LHCGR: variants seen among roughly 807,000 people sequenced by gnomAD.
LHCGR encodes the protein lutropin-choriogonadotropic hormone receptor.
A neutral mutation model predicts 60.7 loss-of-function variants in LHCGR; 55 were observed. That is an observed-to-expected ratio of 0.91 (90% confidence interval 0.73 to 1.13). The LOEUF (loss-of-function observed/expected upper bound fraction) is 1.13, where lower values mean the gene tolerates loss of function less well. Among genes scored for constraint, LHCGR ranks in the 50% most tolerant of loss-of-function variants. LHCGR has a pLI of 0.00. For missense variants in LHCGR, 862 were observed against 836.0 expected (o/e 1.03, Z -0.38); for synonymous variants, 337 against 316.5 (o/e 1.06, Z -0.69).
At chr2:48,728,135 T>G (rs1281350242) in intron 3 of LHCGR, among the ~76,000 whole-genome samples, 1 of 152,084 alleles carries the variant, frequency 6.6e-6, no homozygotes, top group African/African-American at 2.4e-5. Flanking sequence ...GTAAGTGTAT[T>G]TTATGTGTGA....
intron 1 of LHCGR, among the ~76,000 whole-genome samples, chr2:48,749,200 AG>A: frequency 6.6e-6 from 1 of 152,300 alleles, no homozygotes; most frequent in Non-Finnish European, 1.5e-5. Flanking sequence ...AGCAGCTGTG[AG>A]TGGTTTGCCA....
intron 1 of LHCGR, among the ~76,000 whole-genome samples, chr2:48,753,215 C>T (rs1328421042): frequency 2.0e-5 from 3 of 152,140 alleles, no homozygotes. Flanking sequence ...TAACATTTCC[C>T]AGGTGATGTT....
At chr2:48,720,298 T>C (rs1373918299) in intron 6 of LHCGR, 9 of 152,198 alleles carry the variant, frequency 5.9e-5, no homozygotes, top group Non-Finnish European at 1.2e-4. Flanking sequence ...ATCCCAACAT[T>C]GGTTTTCTTC....
chr2:48,687,415 GT>G lies in LHCGR; in HGVS notation c.*281del, dbSNP rs558291070. The G allele has an allele frequency of 1.4e-4, 52 of 358,980 alleles. No individual in the cohort carries two copies. In the East Asian group the frequency reaches 2.5e-3, roughly 18 times the overall value. The allele number at this position is 358,980 out of a possible 1,614,324, so 22.2% of individuals were successfully genotyped here. Reference sequence around the variant, plus strand: ...AAAAGATATGCAAAATACCTCCTCAGTTTTTTAAAAGATTCATCAAACAAAA... The same window carrying G: ...AAAAGATATGCAAAATACCTCCTCAGTTTTTAAAAGATTCATCAAACAAAA... On this transcript the variant is annotated 3_prime_UTR_variant, in exon 11 of 11. Transcript: ENST00000294954.
intron 1 of LHCGR, among the ~76,000 whole-genome samples, chr2:48,733,546 G>A (rs1225007645): frequency 6.6e-6 from 1 of 152,162 alleles, no homozygotes; most frequent in East Asian, 1.9e-4. Context: ...AGTGGGGAGA[G>A]TGAAACTAGA....
chr2:48,744,471 A>G (rs1293075576), intron 1 of LHCGR, among the ~76,000 whole-genome samples: 1 of 103,396 alleles, frequency 9.7e-6, no homozygotes, highest in Non-Finnish European at 1.9e-5. Flanking sequence ...TAACCAAAAC[A>G]GCATGGTACT....
At chr2:48,723,739 A>G in intron 4 of LHCGR, 43 bp from the exon 5 acceptor site, 1 of 1,371,768 alleles carries the variant, frequency 7.3e-7, no homozygotes, top group Non-Finnish European at 1.0e-6. Flanking sequence ...GAGAGTGGGT[A>G]AAAGTGATTG....
At chr2:48,705,503 C>T (rs565484961) in intron 8 of LHCGR, among the ~76,000 whole-genome samples, 4 of 152,076 alleles carry the variant, frequency 2.6e-5, no homozygotes, top group Non-Finnish European at 5.9e-5. Flanking sequence ...TAAAGTCTCC[C>T]ATTATTATTG....
At chr2:48,750,562 C>T (rs1669914486) in intron 1 of LHCGR, among the ~76,000 whole-genome samples, 1 of 152,158 alleles carries the variant, frequency 6.6e-6, no homozygotes, top group South Asian at 2.1e-4. Flanking sequence ...TTCTCACTTC[C>T]CCATTTTCTA....
intron 3 of LHCGR, 99 bp from the exon 4 acceptor site, chr2:48,725,849 G>T: frequency 1.0e-6 from 1 of 1,001,976 alleles, no homozygotes; most frequent in Non-Finnish European, 1.6e-6. Context: ...GCTGAAAATG[G>T]CATCAGCAAA....
At chr2:48,729,956 A>G (rs931240279) in intron 2 of LHCGR, among the ~76,000 whole-genome samples, 3 of 152,240 alleles carry the variant, frequency 2.0e-5, no homozygotes, top group African/African-American at 4.8e-5. Flanking sequence ...TTTGAAAACA[A>G]TACAAAAATA....
intron 8 of LHCGR, among the ~76,000 whole-genome samples, chr2:48,700,433 C>A (rs150778909): frequency 6.6e-6 from 1 of 152,088 alleles, no homozygotes; most frequent in South Asian, 2.1e-4. Flanking sequence ...AGGAAGAGAC[C>A]TAGGTCTGGT....
At chr2:48,736,479 A>G (rs1034706093) in intron 1 of LHCGR, among the ~76,000 whole-genome samples, 1 of 152,168 alleles carries the variant, frequency 6.6e-6, no homozygotes, top group African/African-American at 2.4e-5. Flanking sequence ...TAATTACCTT[A>G]AAGAAGATAA....
intron 1 of LHCGR, among the ~76,000 whole-genome samples, chr2:48,735,798 G>C (rs2103654734): frequency 6.6e-6 from 1 of 152,266 alleles, no homozygotes; most frequent in South Asian, 2.1e-4. Context: ...TGCTCTCCTA[G>C]AATTATGCTT....
chr2:48,700,356 A>C (rs1373245377), intron 8 of LHCGR, among the ~76,000 whole-genome samples: 1 of 152,146 alleles, frequency 6.6e-6, no homozygotes, highest in Admixed American at 6.5e-5. Context: ...TTTTTGAGTA[A>C]GGGTGGAGTG....
rs183049529 is a variant in LHCGR at position 48,704,309 on chromosome 2, T to A, written c.680+4639A>T. Among the ~76,000 whole-genome samples, 9 of 152,348 alleles carry A rather than the reference T, an allele frequency of 5.9e-5. No homozygotes were observed. In the East Asian group the frequency reaches 1.7e-3, roughly 29 times the overall value. On this transcript the variant is annotated intron_variant, in intron 8 of 10. Transcript: ENST00000294954. ...GGTTTGCCAGTATTTTATGGAGGAT[T>A]TTCGCATCGATGTTCATCAGGGATA...
intron 4 of LHCGR, among the ~76,000 whole-genome samples, chr2:48,724,409 T>A (rs1356315136): frequency 2.0e-5 from 3 of 152,176 alleles, no homozygotes; most frequent in African/African-American, 7.2e-5. Flanking sequence ...GATTCACCAG[T>A]CATGGGATCT....
At chr2:48,750,882 G>A (rs541993741) in intron 1 of LHCGR, among the ~76,000 whole-genome samples, 15 of 152,296 alleles carry the variant, frequency 9.8e-5, no homozygotes, top group Admixed American at 6.5e-4. Context: ...GGAAGGCAGC[G>A]CTCCTGGCCA....
At chr2:48,746,810 C>A (rs1354212493) in intron 1 of LHCGR, among the ~76,000 whole-genome samples, 1 of 152,164 alleles carries the variant, frequency 6.6e-6, no homozygotes, top group East Asian at 1.9e-4. Flanking sequence ...ATTTGTCTAG[C>A]AATAATATAA....
Sources: gnomAD v4.1 joint callset for allele counts (sites outside exome capture counted in the v4.1 genomes callset) on GRCh38, gnomAD v4.1.1 for gene constraint, MANE v1.5 for transcripts, NCBI Gene and HGNC (gene_info 2026-07-23, HGNC 2026-07-21) for gene names.